MBD5: variants seen among roughly 807,000 people sequenced by gnomAD.
The protein encoded by MBD5 is methyl-CpG binding domain protein 5, also known as methyl-CpG-binding domain protein 5.
Under a neutral mutation model 117.3 loss-of-function variants are expected in MBD5, and 13 were observed. The ratio of observed to expected loss-of-function variants is 0.11; its 90% CI spans 0.07 to 0.18. The LOEUF is 0.18. Among genes scored for constraint, MBD5 ranks in the 10% least tolerant of loss-of-function variants. The pLI, the probability that MBD5 is intolerant of heterozygous loss-of-function variation, is 1.00. For missense variants in MBD5, 1,879 were observed against 2,093.8 expected, an observed-to-expected ratio of 0.90 and a Z score of 2.00; for synonymous variants, 727 against 766.4, an observed-to-expected ratio of 0.95 and a Z score of 0.85.
intron 3 of MBD5, among the ~76,000 whole-genome samples, chr2:148,321,233 C>T (rs1452479311): frequency 6.6e-6 from 1 of 152,046 alleles, no homozygotes. Flanking sequence ...TCTTTGGCTT[C>T]CCTGGATCAC....
intron 4 of MBD5, among the ~76,000 whole-genome samples, chr2:148,391,295 A>G (rs139227041): frequency 1.2e-3 from 179 of 152,296 alleles, no homozygotes; most frequent in African/African-American, 4.2e-3. Flanking sequence ...GAAAATATAC[A>G]GCTAAATATA....
intron 3 of MBD5, among the ~76,000 whole-genome samples, chr2:148,269,179 A>G (rs1158657712): frequency 2.6e-5 from 4 of 151,862 alleles, no homozygotes; most frequent in African/African-American, 7.2e-5. Context: ...GTTCAAGTCT[A>G]CCTTTCTGGT....
intron 3 of MBD5, among the ~76,000 whole-genome samples, chr2:148,312,320 C>A (rs7590235): frequency 1.3e-5 from 2 of 152,020 alleles, no homozygotes; most frequent in African/African-American, 4.8e-5. Flanking sequence ...TCACATAGTC[C>A]CATATTTCTT....
At chr2:148,389,619 G>C (rs2105517396) in intron 4 of MBD5, among the ~76,000 whole-genome samples, 1 of 152,038 alleles carries the variant, frequency 6.6e-6, no homozygotes, top group South Asian at 2.1e-4. Flanking sequence ...TTTAGTAATA[G>C]CCATTCTGAC....
intron 2 of MBD5, among the ~76,000 whole-genome samples, chr2:148,218,809 G>A (rs1184042440): frequency 1.3e-5 from 2 of 152,190 alleles, no homozygotes; most frequent in South Asian, 2.1e-4. Flanking sequence ...CATCTGTATA[G>A]AAGATTTACC....
In MBD5 at chr2:148,069,902, T is replaced by C. The variant is rs140710016; in HGVS notation, c.-925+48218T>C. The stretch of plus-strand genomic sequence containing the variant: ...GTAATGATTAAGTCAGGGTATTCAG[T>C]TTAGCCATCATCTTGAGTAGTTATC... On this transcript the variant is annotated intron_variant, in intron 1 of 13. Transcript: ENST00000642680. Among the ~76,000 whole-genome samples the C allele has an allele frequency of 4.2e-3, 645 of 152,320 alleles. 3 individuals are homozygous for C. Among genetic ancestry groups the C allele is most frequent in the Middle Eastern group, 0.014 (4 of 294 alleles).
rs149646791 is a variant in MBD5, at chr2:148,256,962, G to A, written c.-680+23567G>A. Among the ~76,000 whole-genome samples the A allele has an allele frequency of 3.5e-3, 528 of 152,310 alleles. 2 individuals are homozygous for A. Among genetic ancestry groups the A allele is most frequent in the African/African-American group, 0.012 (502 of 41,564 alleles). On this transcript the variant is annotated intron_variant, in intron 3 of 13. Transcript: ENST00000642680. Reference sequence around the variant, plus strand: ...CTGTGCCATCCCAGTTCAGGGGGTCGTTACCCATGAATGCACCCATCCTGC... The same window carrying A: ...CTGTGCCATCCCAGTTCAGGGGGTCATTACCCATGAATGCACCCATCCTGC...
chr2:148,490,821 G>A, intron 11 of MBD5: 1 of 562,210 alleles, frequency 1.8e-6, no homozygotes, highest in Non-Finnish European at 3.1e-6. Context: ...TCACACTAGG[G>A]CTCAGGGTGG....
chr2:148,189,478 A>AC (rs1698776615), intron 2 of MBD5, among the ~76,000 whole-genome samples: 2 of 120,692 alleles, frequency 1.7e-5, no homozygotes, highest in South Asian at 3.3e-4. Context: ...ACTGGGAGGC[A>AC]CCCCCCAGCA....
intron 1 of MBD5, among the ~76,000 whole-genome samples, chr2:148,139,211 A>G (rs74734773): frequency 2.0e-3 from 304 of 151,774 alleles, no homozygotes; most frequent in Non-Finnish European, 3.5e-3. Context: ...TGGTTTTTTT[A>G]ACCTTTTTTT....
intron 12 of MBD5, chr2:148,502,885 C>CCT (rs1262833930): frequency 1.3e-5 from 4 of 305,884 alleles, no homozygotes; most frequent in Non-Finnish European, 2.5e-5. Flanking sequence ...AGTAAATACC[C>CCT]CTCGTTGTAC....
At chr2:148,128,320 T>C (rs1394891381) in intron 1 of MBD5, among the ~76,000 whole-genome samples, 1 of 152,318 alleles carries the variant, frequency 6.6e-6, no homozygotes, top group East Asian at 1.9e-4. Flanking sequence ...TGTCTACATA[T>C]ATTACTTTTT....
intron 9 of MBD5, chr2:148,485,142 T>C (rs1681296072): frequency 6.6e-6 from 1 of 152,210 alleles, no homozygotes; most frequent in South Asian, 2.1e-4. Context: ...ACTGATTATA[T>C]AATATTTATT....
At chr2:148,352,198 C>T (rs1335981782) in intron 4 of MBD5, among the ~76,000 whole-genome samples, 1 of 152,042 alleles carries the variant, frequency 6.6e-6, no homozygotes, top group Non-Finnish European at 1.5e-5. Context: ...CCATGTATCT[C>T]TCCTCCTTTG....
At chr2:148,149,069 C>G (rs963276228) in intron 1 of MBD5, among the ~76,000 whole-genome samples, 1 of 151,654 alleles carries the variant, frequency 6.6e-6, no homozygotes, top group African/African-American at 2.4e-5. Context: ...AGGTATATCT[C>G]CCAATGCTAT....
intron 3 of MBD5, among the ~76,000 whole-genome samples, chr2:148,311,440 A>T (rs1264369376): frequency 1.3e-5 from 2 of 152,158 alleles, no homozygotes; most frequent in Non-Finnish European, 2.9e-5. Context: ...GTTGGTTTAA[A>T]GTCTGTTTTA....
At chr2:148,208,655 CTTTT>C (rs57011820) in intron 2 of MBD5, among the ~76,000 whole-genome samples, 1 of 138,032 alleles carries the variant, frequency 7.2e-6, no homozygotes, top group Admixed American at 7.2e-5. Flanking sequence ...GTTATCTGTT[CTTTT>C]TTTTTTTTTT....
At chr2:148,342,400 G>A (rs936386722) in intron 4 of MBD5, 64 bp downstream of exon 4, 6 of 151,912 alleles carry the variant, frequency 3.9e-5, no homozygotes, top group African/African-American at 1.4e-4. Flanking sequence ...TGCAGACTTA[G>A]TTTTTATTAA....
rs893888798 is a variant in MBD5 at position 148,080,234 on chromosome 2, A to G, written c.-925+58550A>G. Among the ~76,000 whole-genome samples the G allele has an allele frequency of 3.9e-5, 6 of 152,322 alleles. No homozygotes were observed. The East Asian group carries it at 1.2e-3, about 29-fold the overall frequency. On this transcript the variant is annotated intron_variant, in intron 1 of 13. Transcript: ENST00000642680. Reference sequence around the variant, plus strand: ...ACTGAATGTTTGAGTCAGTTTTGGTACAATGGAAGCATTTCTGTCTCAATG... The same window carrying G: ...ACTGAATGTTTGAGTCAGTTTTGGTGCAATGGAAGCATTTCTGTCTCAATG...
Sources: gnomAD v4.1 joint callset for allele counts (sites outside exome capture counted in the v4.1 genomes callset) on GRCh38, gnomAD v4.1.1 for gene constraint, MANE v1.5 for transcripts, NCBI Gene and HGNC (gene_info 2026-07-23, HGNC 2026-07-21) for gene names.